The following ORC3 variants were observed in gnomAD, a reference collection of about 807,000 sequenced individuals.
The protein encoded by ORC3 is origin recognition complex subunit 3, also known as homolog of latheo, Drosophila.
Under a neutral mutation model 100.7 loss-of-function variants are expected in ORC3, and 78 were observed. That is an observed-to-expected ratio of 0.77 (90% CI 0.65 to 0.94). ORC3 has a LOEUF of 0.94. ORC3 is among the 40% of genes least tolerant of loss of function. The pLI is 0.00. For synonymous variants in ORC3, 295 were observed against 289.3 expected (o/e 1.02, Z -0.20); for missense variants, 789 against 823.9 (o/e 0.96, Z 0.52).
At chr6:87,621,166 G>C (rs909780558) in intron 9 of ORC3, among the ~76,000 whole-genome samples, 188 bp from the exon 10 acceptor site, 8 of 150,968 alleles carry the variant, frequency 5.3e-5, no homozygotes, top group Admixed American at 4.6e-4. Flanking sequence ...CACAGAATTG[G>C]AACCTTAAAA....
intron 15 of ORC3, among the ~76,000 whole-genome samples, 165 bp from the exon 16 acceptor site, chr6:87,657,756 A>G (rs1431491297): frequency 6.6e-6 from 1 of 152,192 alleles, no homozygotes; most frequent in Admixed American, 6.6e-5. Context: ...TTCTTGCCAG[A>G]CCTTAAAAAT....
In ORC3 at chr6:87,601,793, T is replaced by A; in HGVS notation, c.89T>A (p.Phe30Tyr). 1 of 1,595,990 alleles carries A rather than the reference T, an allele frequency of 6.3e-7. No individual in the cohort carries two copies. The highest frequency in any genetic ancestry group is 8.6e-7 in the Non-Finnish European group (1 of 1,163,654). ...RKISLPIEDY[F>Y]NKGKNEPEDS... ...TTCTTTCTGTTTTTAGAGGACTATT[T>A]TAACAAAGGGAAAAATGAGCCTGAG... The change falls in exon 3 of 20, where the codon TTT becomes TAT. Residue 30 changes from phenylalanine to tyrosine, a missense_variant. Physicochemically the swap from Phe to Tyr is conservative, Grantham distance 22 (BLOSUM62 3). Transcript: ENST00000392844.
intron 2 of ORC3, among the ~76,000 whole-genome samples, chr6:87,601,235 A>G (rs117653730): frequency 6.6e-6 from 1 of 152,330 alleles, no homozygotes; most frequent in Non-Finnish European, 1.5e-5. Flanking sequence ...ATTAAAAAGC[A>G]AATGATAGAA....
chr6:87,603,627 G>A, intron 4 of ORC3, 99 bp downstream of exon 4: 2 of 616,174 alleles, frequency 3.2e-6, no homozygotes, highest in Non-Finnish European at 5.3e-6. Flanking sequence ...GTTTTGATGA[G>A]CCTATTTTGT....
intron 9 of ORC3, among the ~76,000 whole-genome samples, chr6:87,618,901 G>A (rs995168422): frequency 1.3e-5 from 2 of 152,128 alleles, no homozygotes; most frequent in Admixed American, 1.3e-4. Flanking sequence ...ATAGCAAAGA[G>A]CAAGGTTGTT....
At chr6:87,649,944 T>A (rs1769114366) in intron 13 of ORC3, among the ~76,000 whole-genome samples, 1 of 152,094 alleles carries the variant, frequency 6.6e-6, no homozygotes. Flanking sequence ...TTTGTTACCA[T>A]TTTGAACATG....
chr6:87,650,097 C>A (rs1330059948), intron 13 of ORC3, among the ~76,000 whole-genome samples: 3 of 142,444 alleles, frequency 2.1e-5, no homozygotes, highest in African/African-American at 8.0e-5. Context: ...GTCTCTGTTA[C>A]CCATGCTGGA....
At chr6:87,626,166 T>C (rs539115598) in intron 11 of ORC3, among the ~76,000 whole-genome samples, 2 of 152,190 alleles carry the variant, frequency 1.3e-5, no homozygotes, top group Non-Finnish European at 2.9e-5. Context: ...CTTGGCAATG[T>C]GGGCTCTTTT....
At chr6:87,597,332 G>A (rs1777523501) in intron 2 of ORC3, among the ~76,000 whole-genome samples, 1 of 152,072 alleles carries the variant, frequency 6.6e-6, no homozygotes, top group Non-Finnish European at 1.5e-5. Flanking sequence ...CATCATGTTG[G>A]TACTCAAAAA....
At chr6:87,630,121 G>A (rs936313841) in intron 11 of ORC3, among the ~76,000 whole-genome samples, 3 of 152,092 alleles carry the variant, frequency 2.0e-5, no homozygotes, top group Admixed American at 1.3e-4. Context: ...ACAAAATATG[G>A]TTGCTCTTAC....
chr6:87,618,834 G>C (rs938598436), intron 9 of ORC3, among the ~76,000 whole-genome samples: 1 of 152,018 alleles, frequency 6.6e-6, no homozygotes, highest in Non-Finnish European at 1.5e-5. Flanking sequence ...AGATGACACA[G>C]GCTCTAGCTT....
intron 11 of ORC3, among the ~76,000 whole-genome samples, chr6:87,634,171 T>A (rs572692428): frequency 1.3e-5 from 2 of 152,288 alleles, no homozygotes; most frequent in East Asian, 3.9e-4. Flanking sequence ...CTATCCCTCA[T>A]GTCATCATCC....
chr6:87,622,055 T>C, intron 11 of ORC3, 42 bp downstream of exon 11: 1 of 1,327,638 alleles, frequency 7.5e-7, no homozygotes, highest in South Asian at 1.2e-5. Context: ...TCTTTTTCCT[T>C]TCATAAAGAA....
At chr6:87,675,980 A>G in the ORC3 span, 2 of 1,513,070 alleles carry the variant, frequency 1.3e-6, no homozygotes, top group Non-Finnish European at 1.8e-6. Flanking sequence ...GCCTTATTAG[A>G]GCCAGATAAA....
chr6:87,644,079 C>CTTTTTTTTTTTTTTTTT lies in ORC3; in HGVS notation c.1382+7608_1382+7624dup, dbSNP rs1156943778. On this transcript the variant is annotated intron_variant, in intron 13 of 19. Transcript: ENST00000392844. ...CCACAGATACAGATGGCTGACTGTC[C>CTTTTTTTTTTTTTTTTT]TTTTTTTTTTTTTTTTTTTTTTTTT... Among the ~76,000 whole-genome samples, 17 of 51,420 alleles carry CTTTTTTTTTTTTTTTTT rather than the reference C, an allele frequency of 3.3e-4. 2 individuals are homozygous for CTTTTTTTTTTTTTTTTT. The highest frequency in any genetic ancestry group is 1.0e-3 in the African/African-American group (11 of 10,518). 33.7% of individuals were successfully genotyped at this position (51,420 alleles called of 152,430 possible).
chr6:87,636,334 C>T, intron 12 of ORC3, 73 bp from the exon 13 acceptor site: 2 of 827,070 alleles, frequency 2.4e-6, no homozygotes, highest in Non-Finnish European at 4.0e-6. Flanking sequence ...TTGTGTTGAC[C>T]AGAAATGATT....
chr6:87,628,342 T>C (rs1483884813), intron 11 of ORC3, among the ~76,000 whole-genome samples: 1 of 152,132 alleles, frequency 6.6e-6, no homozygotes, highest in East Asian at 1.9e-4. Flanking sequence ...AAAATAAAAT[T>C]TAAAACTTTA....
intron 9 of ORC3, among the ~76,000 whole-genome samples, chr6:87,618,661 A>G (rs1200532822): frequency 6.6e-6 from 1 of 152,196 alleles, no homozygotes; most frequent in Non-Finnish European, 1.5e-5. Context: ...GGACATGACA[A>G]GGACTTAAAT....
chr6:87,665,940 C>T (rs997677707), intron 19 of ORC3, 107 bp downstream of exon 19: 26 of 612,862 alleles, frequency 4.2e-5, no homozygotes, highest in South Asian at 2.1e-4. Context: ...TCCAAACAAC[C>T]GTATTACTTG....
Sources: gnomAD v4.1 joint callset for allele counts (sites outside exome capture counted in the v4.1 genomes callset) on GRCh38, gnomAD v4.1.1 for gene constraint, MANE v1.5 for transcripts, NCBI Gene and HGNC (gene_info 2026-07-23, HGNC 2026-07-21) for gene names.